The following WWOX variants were observed in gnomAD, a reference collection of about 807,000 sequenced individuals.
WWOX encodes the protein WW domain-containing oxidoreductase.
In WWOX, 69 loss-of-function variants were observed where a neutral mutation model predicts 46.2. The observed-to-expected ratio is 1.49, with a 90% CI of 1.23 to 1.82. The LOEUF (loss-of-function observed/expected upper bound fraction) is 1.82. Ranked by LOEUF, WWOX falls within the 40% of genes most tolerant of loss-of-function variation. The pLI is 0.00. For missense variants in WWOX, 919 were observed against 542.6 expected, an observed-to-expected ratio of 1.69 and a Z score of -6.89; for synonymous variants, 359 against 202.6, an observed-to-expected ratio of 1.77 and a Z score of -6.56.
intron 8 of WWOX, among the ~76,000 whole-genome samples, chr16:79,042,484 C>A (rs1034233679): frequency 3.3e-5 from 5 of 152,190 alleles, no homozygotes; most frequent in African/African-American, 1.2e-4. Context: ...ATTGGTCAGC[C>A]TGATCCTATT....
At chr16:78,556,760 GC>G (rs1458861882) in intron 8 of WWOX, among the ~76,000 whole-genome samples, 1 of 151,888 alleles carries the variant, frequency 6.6e-6, no homozygotes, top group African/African-American at 2.4e-5. Flanking sequence ...TTTTTGCCCA[GC>G]CTGGAGTGAA....
intron 5 of WWOX, chr16:78,265,936 T>C (rs1416683599): frequency 6.6e-6 from 1 of 152,218 alleles, no homozygotes; most frequent in South Asian, 2.1e-4. Flanking sequence ...GAAGTGGGTG[T>C]TAATCCCTAT....
intron 8 of WWOX, among the ~76,000 whole-genome samples, chr16:78,871,754 C>G (rs960698932): frequency 4.6e-5 from 7 of 152,166 alleles, no homozygotes; most frequent in Admixed American, 1.3e-4. Context: ...CAGGCACCAC[C>G]ATACCCACCT....
At chr16:78,111,546 G>C (rs1335167749) in intron 3 of WWOX, among the ~76,000 whole-genome samples, 1 of 152,162 alleles carries the variant, frequency 6.6e-6, no homozygotes, top group African/African-American at 2.4e-5. Flanking sequence ...GAAGACACCC[G>C]TTACTTAGCA....
chr16:79,091,775 C>CTTTTTTTTTTTTTTTTTTT (rs771753213), intron 8 of WWOX, among the ~76,000 whole-genome samples: 5 of 126,848 alleles, frequency 3.9e-5, no homozygotes, highest in Admixed American at 8.1e-5. Flanking sequence ...CTTTTCTTTT[C>CTTTTTTTTTTTTTTTTTTT]TTTGTTTTTT....
chr16:78,929,069 A>G (rs150920229), intron 8 of WWOX, among the ~76,000 whole-genome samples: 2 of 152,330 alleles, frequency 1.3e-5, no homozygotes, highest in Non-Finnish European at 2.9e-5. Context: ...AAATCATTGC[A>G]CAGAACATCC....
chr16:78,545,584 A>G lies in WWOX; in HGVS notation c.1056+112832A>G, dbSNP rs150765131. Among the ~76,000 whole-genome samples, 4 of 152,324 alleles carry G rather than the reference A, an allele frequency of 2.6e-5. No homozygotes were observed. In the East Asian group the frequency reaches 7.7e-4, roughly 29 times the overall value. ...GATAAAATGAGAGTGGAGAGACCACAGTGATGCCCAGGAATAGTCATGGTT... is the reference window on the plus strand; with the variant it reads ...GATAAAATGAGAGTGGAGAGACCACGGTGATGCCCAGGAATAGTCATGGTT... On this transcript the variant is annotated intron_variant, in intron 8 of 8. Coordinates refer to ENST00000566780, the MANE Select transcript of WWOX (RefSeq NM_016373.4).
At chr16:78,433,352 T>G (rs1035335036) in intron 8 of WWOX, among the ~76,000 whole-genome samples, 3 of 152,226 alleles carry the variant, frequency 2.0e-5, no homozygotes, top group Admixed American at 6.5e-5. Flanking sequence ...GGTGATAAGA[T>G]GTTTTTATAG....
At chr16:78,695,035 C>G (rs1256245022) in intron 8 of WWOX, among the ~76,000 whole-genome samples, 1 of 152,142 alleles carries the variant, frequency 6.6e-6, no homozygotes, top group Admixed American at 6.5e-5. Flanking sequence ...CTGCTTCTTT[C>G]AAATGCTCTT....
At chr16:79,201,766 C>T (rs541955172) in intron 8 of WWOX, among the ~76,000 whole-genome samples, 5 of 149,858 alleles carry the variant, frequency 3.3e-5, no homozygotes, top group Admixed American at 2.7e-4. Flanking sequence ...TTTTTTCTTC[C>T]ATCCCTATTT....
At chr16:78,553,710 C>G (rs2044225797) in intron 8 of WWOX, among the ~76,000 whole-genome samples, 4 of 151,970 alleles carry the variant, frequency 2.6e-5, no homozygotes, top group Admixed American at 2.0e-4. Context: ...CCTAGAAGGT[C>G]TGTGAGGGAG....
chr16:78,476,164 A>G (rs970131038), intron 8 of WWOX, among the ~76,000 whole-genome samples: 3 of 152,186 alleles, frequency 2.0e-5, no homozygotes, highest in Middle Eastern at 3.2e-3. Context: ...GAACTGGAGC[A>G]TCTAACTGGT....
At chr16:78,312,870 C>T (rs901463146) in intron 5 of WWOX, among the ~76,000 whole-genome samples, 3 of 152,176 alleles carry the variant, frequency 2.0e-5, no homozygotes, top group African/African-American at 7.2e-5. Flanking sequence ...GGTGGTAGCA[C>T]GCAGGGCCTC....
chr16:78,705,075 G>A (rs918794624), intron 8 of WWOX, among the ~76,000 whole-genome samples: 3 of 152,058 alleles, frequency 2.0e-5, no homozygotes, highest in Non-Finnish European at 2.9e-5. Flanking sequence ...GAGCTGCCTG[G>A]TTTATTGAGT....
At chr16:79,159,702 G>T (rs542137005) in intron 8 of WWOX, among the ~76,000 whole-genome samples, 7 of 152,326 alleles carry the variant, frequency 4.6e-5, no homozygotes, top group Non-Finnish European at 1.0e-4. Flanking sequence ...GGGAAAGATA[G>T]CAGGCAGTAT....
chr16:78,609,095 C>G (rs1197021603), intron 8 of WWOX, among the ~76,000 whole-genome samples: 3 of 151,994 alleles, frequency 2.0e-5, no homozygotes, highest in East Asian at 1.9e-4. Context: ...TTCTGTCCCA[C>G]CAGATTTATT....
At chr16:79,111,069 C>T (rs1395217932) in intron 8 of WWOX, among the ~76,000 whole-genome samples, 1 of 152,110 alleles carries the variant, frequency 6.6e-6, no homozygotes, top group Non-Finnish European at 1.5e-5. Flanking sequence ...CCCTTAACAC[C>T]CACAGAGAGT....
At chr16:79,061,629 A>G (rs1567523103) in intron 8 of WWOX, among the ~76,000 whole-genome samples, 1 of 152,232 alleles carries the variant, frequency 6.6e-6, no homozygotes, top group Non-Finnish European at 1.5e-5. Context: ...GCACTGATCC[A>G]TGACAGTATT....
chr16:79,026,147 C>G (rs1201145978), intron 8 of WWOX, among the ~76,000 whole-genome samples: 1 of 151,656 alleles, frequency 6.6e-6, no homozygotes, highest in Non-Finnish European at 1.5e-5. Flanking sequence ...TAACCTTCCA[C>G]TCGCTTCTTT....
Sources: allele counts gnomAD v4.1 joint callset (sites outside exome capture counted in the v4.1 genomes callset), GRCh38; gene constraint gnomAD v4.1.1; transcripts MANE v1.5; gene names NCBI Gene and HGNC (gene_info 2026-07-23, HGNC 2026-07-21).